Variants in NTM observed in about 807,000 individuals in gnomAD.
NTM encodes neurotrimin.
Under a neutral mutation model 42.1 loss-of-function variants are expected in NTM, and 13 were observed. That is an observed-to-expected ratio of 0.31 (90% CI 0.20 to 0.49). The LOEUF (loss-of-function observed/expected upper bound fraction) is 0.49, where lower values mean the gene tolerates loss of function less well. Among genes scored for constraint, NTM ranks in the 20% least tolerant of loss-of-function variants. NTM has a pLI of 0.99. For synonymous variants in NTM, 187 were observed against 179.2 expected, an observed-to-expected ratio of 1.04 and a Z score of -0.35; for missense variants, 373 against 452.8, an observed-to-expected ratio of 0.82 and a Z score of 1.60.
intron 2 of NTM, among the ~76,000 whole-genome samples, chr11:131,982,282 T>G (rs1334057818): frequency 6.6e-6 from 1 of 151,974 alleles, no homozygotes; most frequent in Admixed American, 6.6e-5. Context: ...GGAGTAGAGT[T>G]TGCAACCCTC....
intron 1 of NTM, among the ~76,000 whole-genome samples, chr11:131,416,489 G>C (rs1273365048): frequency 6.6e-6 from 1 of 152,158 alleles, no homozygotes; most frequent in Non-Finnish European, 1.5e-5. Context: ...TAGCCTGTCT[G>C]CCACCTTCAA....
intron 1 of NTM, among the ~76,000 whole-genome samples, chr11:131,885,903 A>G (rs1193876697): frequency 6.6e-6 from 1 of 152,134 alleles, no homozygotes; most frequent in East Asian, 1.9e-4. Flanking sequence ...AAGGTACGAG[A>G]AAGTGGGGTA....
Position 131,550,513 on chromosome 11 carries a change from CCTT to C in NTM, c.82+179628_82+179630del, listed in dbSNP as rs1324401741. ...GTTTGTTTCAAGGTATGCAGCACCT[CCTT>C]CTCTCTCTTCCTCCTGCTCTGGCCA... On this transcript the variant is annotated intron_variant, in intron 1 of 8. Coordinates refer to ENST00000683400, the MANE Select transcript of NTM (RefSeq NM_001352005.2). 3.3e-5 allele frequency among the ~76,000 whole-genome samples: 5 copies of C among 152,188 alleles called. No homozygotes were observed. In the South Asian group the frequency reaches 6.2e-4, roughly 19 times the overall value.
intron 1 of NTM, among the ~76,000 whole-genome samples, chr11:131,504,325 C>T (rs918529218): frequency 1.3e-5 from 2 of 152,308 alleles, no homozygotes; most frequent in Admixed American, 1.3e-4. Flanking sequence ...AAACACCTCT[C>T]CTCTGTTGGC....
At chr11:131,449,860 G>T (rs1258621674) in intron 1 of NTM, among the ~76,000 whole-genome samples, 1 of 152,130 alleles carries the variant, frequency 6.6e-6, no homozygotes, top group Non-Finnish European at 1.5e-5. Context: ...CACTCTGCTT[G>T]CCAGATGAAA....
At chr11:131,951,678 C>T (rs760185330) in intron 2 of NTM, among the ~76,000 whole-genome samples, 2 of 151,884 alleles carry the variant, frequency 1.3e-5, no homozygotes, top group Non-Finnish European at 2.9e-5. Flanking sequence ...AAAAATTAGC[C>T]AGGTGTGGTG....
chr11:131,905,752 CTA>C (rs1411264486), intron 1 of NTM, among the ~76,000 whole-genome samples: 1 of 152,128 alleles, frequency 6.6e-6, no homozygotes, highest in Non-Finnish European at 1.5e-5. Flanking sequence ...TTACTTTTGC[CTA>C]TGTCTCTCCC....
chr11:132,200,001 A>G (rs940986774), intron 3 of NTM, among the ~76,000 whole-genome samples: 1 of 152,146 alleles, frequency 6.6e-6, no homozygotes, highest in Non-Finnish European at 1.5e-5. Flanking sequence ...CACTCGCTCC[A>G]GCACTGTGAC....
chr11:131,506,830 G>T (rs927090502), intron 1 of NTM, among the ~76,000 whole-genome samples: 7 of 152,210 alleles, frequency 4.6e-5, no homozygotes, highest in Admixed American at 3.9e-4. Flanking sequence ...CCAAAAGCAG[G>T]TACCTCTGTC....
intron 3 of NTM, among the ~76,000 whole-genome samples, chr11:132,161,469 G>T (rs1212969005): frequency 1.5e-5 from 2 of 137,798 alleles, no homozygotes; most frequent in African/African-American, 2.7e-5. Context: ...TCTTTTTCAT[G>T]GTGTCCTATT....
intron 1 of NTM, among the ~76,000 whole-genome samples, chr11:131,888,214 T>A (rs1022978330): frequency 2.6e-5 from 4 of 151,998 alleles, no homozygotes; most frequent in African/African-American, 9.7e-5. Context: ...GGCAGGAGAA[T>A]CGCTTGAACC....
At position 131,873,354 on chromosome 11, in the gene NTM, C is replaced by T. The variant is rs547144824; in HGVS notation, c.83-38210C>T. 1.2e-3 allele frequency among the ~76,000 whole-genome samples: 179 copies of T among 150,804 alleles called. 1 individual carries two copies. The highest frequency in any genetic ancestry group is 4.1e-3 in the African/African-American group (168 of 40,918). On this transcript the variant is annotated intron_variant, in intron 1 of 8. Transcript: ENST00000683400. ...GGGTAGGGAACATCACACACCGGGGCCTGTTGGGGGATGGGGGGCAAGGGG... is the reference window on the plus strand; with the variant it reads ...GGGTAGGGAACATCACACACCGGGGTCTGTTGGGGGATGGGGGGCAAGGGG...
intron 2 of NTM, among the ~76,000 whole-genome samples, chr11:132,008,703 A>G (rs74888012): frequency 0.05 from 7,668 of 152,096 alleles, 260 homozygotes; most frequent in Non-Finnish European, 0.074. Flanking sequence ...ATTGCTCACA[A>G]AGATTAAAAT....
intron 2 of NTM, among the ~76,000 whole-genome samples, chr11:132,086,931 C>G (rs1182519930): frequency 6.6e-6 from 1 of 152,124 alleles, no homozygotes; most frequent in African/African-American, 2.4e-5. Context: ...AGTTACCCAT[C>G]TGTAAAGAGG....
At chr11:131,609,606 A>C (rs1381278608) in intron 1 of NTM, among the ~76,000 whole-genome samples, 1 of 152,178 alleles carries the variant, frequency 6.6e-6, no homozygotes, top group Non-Finnish European at 1.5e-5. Context: ...GGAAAAGCAG[A>C]CTGTGGTTTG....
intron 1 of NTM, among the ~76,000 whole-genome samples, chr11:131,896,219 C>T (rs2052237741): frequency 6.6e-6 from 1 of 152,170 alleles, no homozygotes; most frequent in Admixed American, 6.5e-5. Flanking sequence ...TTATAATACC[C>T]TCATTACTGT....
chr11:132,090,105 C>T (rs1793623), intron 2 of NTM, among the ~76,000 whole-genome samples: 83,659 of 151,910 alleles, frequency 0.55, 23,232 homozygotes, highest in East Asian at 0.71. Context: ...AAATGACTTA[C>T]AGAAAGATTG....
intron 1 of NTM, among the ~76,000 whole-genome samples, chr11:131,632,011 T>G (rs1044823965): frequency 5.3e-5 from 8 of 152,210 alleles, no homozygotes; most frequent in African/African-American, 1.9e-4. Flanking sequence ...TTACTTAGTA[T>G]GCATATGTTT....
chr11:131,687,271 C>A (rs2074007164), intron 1 of NTM, among the ~76,000 whole-genome samples: 1 of 152,214 alleles, frequency 6.6e-6, no homozygotes, highest in South Asian at 2.1e-4. Flanking sequence ...GGTTGACAGC[C>A]ATTTGCACCC....
Sources: gnomAD v4.1 joint callset for allele counts (sites outside exome capture counted in the v4.1 genomes callset) on GRCh38, gnomAD v4.1.1 for gene constraint, MANE v1.5 for transcripts, NCBI Gene and HGNC (gene_info 2026-07-23, HGNC 2026-07-21) for gene names.